The following CCDC73 variants were observed in gnomAD, a reference collection of about 807,000 sequenced individuals.
The protein encoded by CCDC73 is coiled-coil domain containing 73.
A neutral mutation model predicts 116.5 loss-of-function variants in CCDC73; 95 were observed. The ratio of observed to expected loss-of-function variants is 0.82; its 90% confidence interval spans 0.69 to 0.97. The LOEUF is 0.97. Among genes scored for constraint, CCDC73 ranks in the 50% least tolerant of loss-of-function variants. The pLI, the probability that CCDC73 is intolerant of heterozygous loss-of-function variation, is 0.00. For synonymous variants in CCDC73, 398 were observed against 401.3 expected (o/e 0.99, Z 0.10); for missense variants, 1,066 against 1,206.8 (o/e 0.88, Z 1.73).
intron 9 of CCDC73, among the ~76,000 whole-genome samples, chr11:32,666,266 G>A (rs544914117): frequency 6.6e-6 from 1 of 152,176 alleles, no homozygotes; most frequent in Non-Finnish European, 1.5e-5. Context: ...TTTCAACTTG[G>A]TTCCATTCTC....
intron 2 of CCDC73, among the ~76,000 whole-genome samples, chr11:32,735,004 T>C (rs566488593): frequency 2.6e-4 from 40 of 152,308 alleles, no homozygotes; most frequent in Middle Eastern, 6.8e-3. Context: ...AAATTAGGTA[T>C]TGATGGGATG....
At chr11:32,685,447 A>G (rs932859779) in intron 6 of CCDC73, among the ~76,000 whole-genome samples, 1 of 152,126 alleles carries the variant, frequency 6.6e-6, no homozygotes, top group Non-Finnish European at 1.5e-5. Context: ...AATTCTGAGT[A>G]AAGACCTGGA....
At chr11:32,732,777 A>C (rs184542568) in intron 2 of CCDC73, among the ~76,000 whole-genome samples, 1,820 of 152,324 alleles carry the variant, frequency 0.012, 35 homozygotes, top group African/African-American at 0.041. Flanking sequence ...AGCACTAAAC[A>C]TGGAAAGGAA....
intron 2 of CCDC73, among the ~76,000 whole-genome samples, chr11:32,740,138 C>A (rs1348037347): frequency 7.4e-6 from 1 of 135,948 alleles, no homozygotes; most frequent in Non-Finnish European, 1.7e-5. Flanking sequence ...CTGTAGTTTT[C>A]TTTTTCTTTC....
chr11:32,675,437 A>G (rs533058360), intron 9 of CCDC73, 128 bp downstream of exon 9: 1 of 553,488 alleles, frequency 1.8e-6, no homozygotes, highest in East Asian at 3.2e-5. Flanking sequence ...CTCAAAATTT[A>G]TGCATCTGTA....
the CCDC73 span, among the ~76,000 whole-genome samples, chr11:32,807,299 C>T: frequency 3.9e-5 from 6 of 152,100 alleles, no homozygotes; most frequent in African/African-American, 2.4e-5. Context: ...GAATTGATCA[C>T]GACCCTCACT....
At chr11:32,650,906 T>C (rs1590568756) in intron 12 of CCDC73, among the ~76,000 whole-genome samples, 1 of 152,220 alleles carries the variant, frequency 6.6e-6, no homozygotes, top group African/African-American at 2.4e-5. Flanking sequence ...CTAAAGGTAC[T>C]AAAATATACA....
chr11:32,605,179 T>TA (rs1426120205), intron 17 of CCDC73: 2 of 151,134 alleles, frequency 1.3e-5, no homozygotes, highest in African/African-American at 4.9e-5. Flanking sequence ...TTTTTTTTTT[T>TA]TAATGAACTT....
intron 6 of CCDC73, among the ~76,000 whole-genome samples, chr11:32,692,815 T>C (rs1856272974): frequency 6.6e-6 from 1 of 152,222 alleles, no homozygotes; most frequent in Non-Finnish European, 1.5e-5. Flanking sequence ...GAAAGCGTCT[T>C]ACCACAGGAC....
intron 16 of CCDC73, among the ~76,000 whole-genome samples, chr11:32,611,589 C>T (rs1056581754): frequency 2.0e-5 from 3 of 152,124 alleles, no homozygotes; most frequent in Admixed American, 2.0e-4. Flanking sequence ...TACTGTATTT[C>T]CCACACATGT....
At chr11:32,656,750 G>A (rs1200590668) in intron 9 of CCDC73, among the ~76,000 whole-genome samples, 1 of 152,120 alleles carries the variant, frequency 6.6e-6, no homozygotes, top group Non-Finnish European at 1.5e-5. Flanking sequence ...GATAACCAAT[G>A]CCCTTCCAAT....
the CCDC73 span, chr11:32,830,243 G>A: frequency 9.3e-7 from 1 of 1,071,392 alleles, no homozygotes; most frequent in Non-Finnish European, 1.2e-6. Context: ...GGCGGACTGG[G>A]TTGGATTCGA....
At chr11:32,826,286 T>A in the CCDC73 span, among the ~76,000 whole-genome samples, 2 of 152,182 alleles carry the variant, frequency 1.3e-5, no homozygotes, top group South Asian at 4.1e-4. Flanking sequence ...TGTTGAAATG[T>A]CAAGGCTAAA....
At chr11:32,736,983 T>A (rs1400235745) in intron 2 of CCDC73, among the ~76,000 whole-genome samples, 2 of 149,620 alleles carry the variant, frequency 1.3e-5, no homozygotes, top group Non-Finnish European at 3.0e-5. Flanking sequence ...TACATATATA[T>A]GTATATATGT....
intron 2 of CCDC73, among the ~76,000 whole-genome samples, chr11:32,738,280 T>C (rs1227355164): frequency 6.6e-6 from 1 of 152,144 alleles, no homozygotes; most frequent in African/African-American, 2.4e-5. Context: ...AACCTGCAAA[T>C]TGTTCTCCGT....
intron 14 of CCDC73, among the ~76,000 whole-genome samples, chr11:32,622,249 G>A (rs1222592903): frequency 6.6e-6 from 1 of 152,072 alleles, no homozygotes; most frequent in Admixed American, 6.6e-5. Flanking sequence ...GCAAAGACAC[G>A]GAACCAGTCC....
intron 1 of CCDC73, among the ~76,000 whole-genome samples, chr11:32,790,330 A>G (rs1451985928): frequency 6.6e-6 from 1 of 152,170 alleles, no homozygotes; most frequent in Non-Finnish European, 1.5e-5. Flanking sequence ...TCCGAACTAT[A>G]CTTATTGTCA....
chr11:32,804,958 C>T, the CCDC73 span, among the ~76,000 whole-genome samples: 1 of 152,170 alleles, frequency 6.6e-6, no homozygotes, highest in Non-Finnish European at 1.5e-5. Context: ...AAACACTTAC[C>T]TGTTCTTTCC....
At chr11:32,678,772 A>G (rs1475162525) in intron 7 of CCDC73, among the ~76,000 whole-genome samples, 1 of 151,824 alleles carries the variant, frequency 6.6e-6, no homozygotes, top group East Asian at 1.9e-4. Flanking sequence ...AATCTCGGCT[A>G]CTGGGGAGGC....
Sources: allele counts gnomAD v4.1 joint callset (sites outside exome capture counted in the v4.1 genomes callset), GRCh38; gene constraint gnomAD v4.1.1; transcripts MANE v1.5; gene names NCBI Gene and HGNC (gene_info 2026-07-23, HGNC 2026-07-21).